The following DNM3 variants were observed in gnomAD, a reference collection of about 807,000 sequenced individuals.
DNM3 encodes the protein dynamin 3.
Under a neutral mutation model 101.6 loss-of-function variants are expected in DNM3, and 47 were observed. The ratio of observed to expected loss-of-function variants is 0.46; its 90% CI spans 0.37 to 0.59. DNM3 has a LOEUF of 0.59. Ranked by LOEUF, DNM3 falls within the 20% of genes least tolerant of loss-of-function variation. DNM3 has a pLI of 0.00. For synonymous variants in DNM3, 385 were observed against 387.9 expected (o/e 0.99, Z 0.09); for missense variants, 849 against 1,085.7 (o/e 0.78, Z 3.06).
At chr1:172,327,729 G>GC (rs2065997398) in intron 17 of DNM3, among the ~76,000 whole-genome samples, 1 of 151,888 alleles carries the variant, frequency 6.6e-6, no homozygotes, top group African/African-American at 2.4e-5. Context: ...AAGGAACACC[G>GC]TCCCCCACCA....
At chr1:171,987,417 G>T in intron 2 of DNM3, 1 of 744,210 alleles carries the variant, frequency 1.3e-6, no homozygotes, top group African/African-American at 1.9e-5. Context: ...TTTAGGGACT[G>T]GTTTTAGTAT....
At chr1:172,390,129 T>C (rs1011787722) in intron 20 of DNM3, among the ~76,000 whole-genome samples, 1 of 152,222 alleles carries the variant, frequency 6.6e-6, no homozygotes, top group African/African-American at 2.4e-5. Flanking sequence ...AATCCAATTT[T>C]TTTTCTCTAA....
chr1:172,162,020 G>A (rs2058563089), intron 14 of DNM3, among the ~76,000 whole-genome samples: 2 of 151,998 alleles, frequency 1.3e-5, no homozygotes, highest in Non-Finnish European at 2.9e-5. Context: ...TATTTGCCAA[G>A]GAATTAAAAG....
chr1:172,248,779 A>G lies in DNM3; in HGVS notation c.1660-4794A>G, dbSNP rs558023229. On this transcript the variant is annotated intron_variant, in intron 14 of 20. Coordinates refer to ENST00000627582, the MANE Select transcript of DNM3 (RefSeq NM_015569.5). ...TTCTTCATAGAATTTTTACTTGATT[A>G]TCATATATATGTGACTATCAAACAT... Among the ~76,000 whole-genome samples, 6 of 152,310 alleles carry G rather than the reference A, an allele frequency of 3.9e-5. No individual in the cohort carries two copies. In the East Asian group the frequency reaches 1.2e-3, roughly 29 times the overall value.
chr1:171,980,410 C>T (rs916973917), intron 2 of DNM3, among the ~76,000 whole-genome samples: 8 of 152,070 alleles, frequency 5.3e-5, no homozygotes, highest in South Asian at 2.1e-4. Flanking sequence ...TTAGGGTAGT[C>T]AGCATATCCA....
intron 17 of DNM3, among the ~76,000 whole-genome samples, chr1:172,324,143 T>C (rs758277564): frequency 1.4e-4 from 22 of 152,224 alleles, no homozygotes; most frequent in Non-Finnish European, 2.5e-4. Context: ...TTTGAGAAGA[T>C]GGTCTTACGT....
intron 15 of DNM3, among the ~76,000 whole-genome samples, chr1:172,288,289 G>T (rs564298991): frequency 1.3e-5 from 2 of 152,338 alleles, no homozygotes; most frequent in East Asian, 1.9e-4. Flanking sequence ...CATAGAAATA[G>T]ATTAGGTGAA....
chr1:171,915,378 A>G (rs2039629975), intron 1 of DNM3, among the ~76,000 whole-genome samples: 1 of 152,198 alleles, frequency 6.6e-6, no homozygotes, highest in Non-Finnish European at 1.5e-5. Flanking sequence ...TAGTTGTGAG[A>G]TTAGTGTAGC....
At chr1:172,342,662 C>A (rs1318486600) in intron 17 of DNM3, among the ~76,000 whole-genome samples, 4 of 152,032 alleles carry the variant, frequency 2.6e-5, no homozygotes, top group African/African-American at 7.2e-5. Flanking sequence ...GTTGGTACAC[C>A]AAACCCCCAT....
chr1:172,287,551 T>C (rs1377096429), intron 15 of DNM3, among the ~76,000 whole-genome samples: 1 of 152,092 alleles, frequency 6.6e-6, no homozygotes, highest in Non-Finnish European at 1.5e-5. Flanking sequence ...TTTTAATTCT[T>C]ATTTAATTTT....
chr1:172,124,307 AG>A (rs1290112045), intron 13 of DNM3, among the ~76,000 whole-genome samples: 1 of 152,142 alleles, frequency 6.6e-6, no homozygotes, highest in Non-Finnish European at 1.5e-5. Flanking sequence ...TTTACCGTCA[AG>A]GGGGAAAGCC....
At chr1:171,900,024 T>C (rs776854113) in intron 1 of DNM3, among the ~76,000 whole-genome samples, 24 of 152,154 alleles carry the variant, frequency 1.6e-4, no homozygotes, top group Admixed American at 2.0e-4. Context: ...AGGAGTTCAG[T>C]GTACAGCAAA....
chr1:172,185,260 A>G (rs963477552), intron 14 of DNM3, among the ~76,000 whole-genome samples: 21 of 152,092 alleles, frequency 1.4e-4, no homozygotes, highest in African/African-American at 4.8e-4. Context: ...AAGACTAGAA[A>G]TATGCATTTA....
intron 15 of DNM3, among the ~76,000 whole-genome samples, chr1:172,279,731 T>TAG (rs1361273807): frequency 1.3e-5 from 2 of 152,172 alleles, no homozygotes; most frequent in African/African-American, 4.8e-5. Flanking sequence ...CTCAGAAACA[T>TAG]ATGATGGCTC....
intron 2 of DNM3, among the ~76,000 whole-genome samples, chr1:171,934,178 A>G (rs2041239182): frequency 6.6e-6 from 1 of 152,172 alleles, no homozygotes; most frequent in African/African-American, 2.4e-5. Flanking sequence ...ATTTTATTTT[A>G]GATTTTAAAA....
At chr1:172,123,001 A>G (rs1172383580) in intron 13 of DNM3, among the ~76,000 whole-genome samples, 1 of 152,152 alleles carries the variant, frequency 6.6e-6, no homozygotes, top group Non-Finnish European at 1.5e-5. Flanking sequence ...TATTTAGTAA[A>G]TGTTAGCCAT....
At chr1:172,192,894 T>G (rs61807800) in intron 14 of DNM3, among the ~76,000 whole-genome samples, 1 of 151,116 alleles carries the variant, frequency 6.6e-6, no homozygotes, top group Non-Finnish European at 1.5e-5. Context: ...ATATACCCAG[T>G]AATGGGATGG....
intron 15 of DNM3, chr1:172,289,784 T>C (rs1236714653): frequency 2.0e-6 from 2 of 985,262 alleles, no homozygotes; most frequent in African/African-American, 3.5e-5. Context: ...AATTATACTT[T>C]TGAGTTACTA....
intron 17 of DNM3, among the ~76,000 whole-genome samples, chr1:172,359,373 A>G (rs1455228818): frequency 6.6e-6 from 1 of 151,874 alleles, no homozygotes; most frequent in African/African-American, 2.4e-5. Flanking sequence ...TCCTCAATCT[A>G]TGTTTTCTCT....
Sources: allele counts gnomAD v4.1 joint callset (sites outside exome capture counted in the v4.1 genomes callset), GRCh38; gene constraint gnomAD v4.1.1; transcripts MANE v1.5; gene names NCBI Gene and HGNC (gene_info 2026-07-23, HGNC 2026-07-21).